The following GABRA3 variants were observed in gnomAD, a reference collection of about 807,000 sequenced individuals.
The protein encoded by GABRA3 is gamma-aminobutyric acid receptor subunit alpha-3.
Under a neutral mutation model 30.1 loss-of-function variants are expected in GABRA3, and 10 were observed. The observed-to-expected ratio is 0.33, with a 90% CI of 0.20 to 0.56. The LOEUF is 0.56. GABRA3 is among the 20% of genes least tolerant of loss of function. The pLI is 0.89. For missense variants in GABRA3, 233 were observed against 392.0 expected (o/e 0.59, Z 3.42); for synonymous variants, 151 against 146.8 (o/e 1.03, Z -0.21).
chrX:152,203,097 C>G (rs1405631201), intron 7 of GABRA3, among the ~76,000 whole-genome samples: 1 of 111,646 alleles, frequency 9.0e-6, no homozygotes, highest in Non-Finnish European at 1.9e-5. Context: ...TGGCAATGCC[C>G]AGAGAGGACA....
intron 4 of GABRA3, among the ~76,000 whole-genome samples, chrX:152,276,573 T>C (rs1429131960): frequency 8.9e-6 from 1 of 111,973 alleles, no homozygotes; most frequent in East Asian, 2.8e-4. Context: ...AGAATGTTTG[T>C]TGTATTACTG....
At chrX:152,270,633 T>C (rs1005985328) in intron 4 of GABRA3, among the ~76,000 whole-genome samples, 1 of 110,668 alleles carries the variant, frequency 9.0e-6, no homozygotes, top group Non-Finnish European at 1.9e-5. Context: ...GGCCAGTGGA[T>C]CACTTGAGGT....
At chrX:152,280,346 A>G (rs991837362) in intron 4 of GABRA3, among the ~76,000 whole-genome samples, 1 of 111,638 alleles carries the variant, frequency 9.0e-6, no homozygotes, top group Non-Finnish European at 1.9e-5. Context: ...ACAGCCTAAA[A>G]TAGACAAAGG....
At chrX:152,300,161 A>G in intron 3 of GABRA3, among the ~76,000 whole-genome samples, 1 of 112,773 alleles carries the variant, frequency 8.9e-6, no homozygotes, top group South Asian at 3.6e-4. Context: ...TAAATTTCAG[A>G]AAAATCCCTG....
At chrX:152,383,634 A>G (rs1045993109) in intron 1 of GABRA3, among the ~76,000 whole-genome samples, 2 of 108,365 alleles carry the variant, frequency 1.8e-5, no homozygotes, top group Non-Finnish European at 1.9e-5. Flanking sequence ...TAAAATCCCT[A>G]CGATCATCTC....
At chrX:152,271,521 A>G (rs1024819484) in intron 4 of GABRA3, among the ~76,000 whole-genome samples, 3 of 112,566 alleles carry the variant, frequency 2.7e-5, no homozygotes, top group African/African-American at 9.7e-5. Context: ...AAGAGGAAGC[A>G]GAGTATAGAA....
chrX:152,311,690 G>T (rs1939801105), intron 3 of GABRA3, among the ~76,000 whole-genome samples: 1 of 111,643 alleles, frequency 9.0e-6, no homozygotes, highest in Non-Finnish European at 1.9e-5. Context: ...TTCACTGGAA[G>T]TTCTTGCTAG....
chrX:152,359,964 A>G (rs1453182052), intron 2 of GABRA3, among the ~76,000 whole-genome samples: 2 of 107,436 alleles, frequency 1.9e-5, no homozygotes, highest in African/African-American at 6.8e-5. Context: ...ATGGTTTCCA[A>G]TTTCATCCAT....
In GABRA3 at chrX:152,405,816, T is replaced by C. The variant is rs5970296; in HGVS notation, c.-26-41220A>G. 7.4e-3 allele frequency among the ~76,000 whole-genome samples: 826 copies of C among 111,034 alleles called. 7 individuals are homozygous for C. Among genetic ancestry groups the C allele is most frequent in the African/African-American group, 0.024 (748 of 30,533 alleles). On this transcript the variant is annotated intron_variant, in intron 1 of 9. Coordinates refer to ENST00000370314, the MANE Select transcript of GABRA3 (RefSeq NM_000808.4). ...CTCTTGGGCCTTGAATAAACATTAGTGGTAGCTAGGCAATAGATTCCATGG... is the reference window on the plus strand; with the variant it reads ...CTCTTGGGCCTTGAATAAACATTAGCGGTAGCTAGGCAATAGATTCCATGG...
intron 3 of GABRA3, among the ~76,000 whole-genome samples, chrX:152,299,226 G>GAAAATA (rs1363507516): frequency 4.5e-5 from 5 of 112,211 alleles, no homozygotes; most frequent in Non-Finnish European, 7.5e-5. Flanking sequence ...TTCTGAGTCT[G>GAAAATA]AAAATAAAGA....
At chrX:152,173,819 T>C (rs1937036348) in intron 9 of GABRA3, among the ~76,000 whole-genome samples, 1 of 110,570 alleles carries the variant, frequency 9.0e-6, no homozygotes, top group African/African-American at 3.3e-5. Context: ...CTTTAAGTTT[T>C]AGGGTACATG....
At chrX:152,300,671 T>A (rs1207604305) in intron 3 of GABRA3, among the ~76,000 whole-genome samples, 1 of 112,324 alleles carries the variant, frequency 8.9e-6, no homozygotes, top group Non-Finnish European at 1.9e-5. Context: ...ATAGATGTTC[T>A]CAGCAGAGAA....
At position 152,279,710 on chromosome X, in the gene GABRA3, C is replaced by T. The variant is rs190237398; in HGVS notation, c.330+4958G>A. Among the ~76,000 whole-genome samples the T allele has an allele frequency of 5.9e-4, 66 of 111,597 alleles. No individual in the cohort carries two copies. In the East Asian group the frequency reaches 0.018, roughly 31 times the overall value. On this transcript the variant is annotated intron_variant, in intron 4 of 9. Coordinates refer to ENST00000370314, the MANE Select transcript of GABRA3 (RefSeq NM_000808.4). ...TATAAATTACCTTGGGCAGTATGGC[C>T]ATTTTCACGATATTGATTCTTCCTA...
intron 9 of GABRA3, among the ~76,000 whole-genome samples, chrX:152,183,394 A>G (rs959965834): frequency 5.4e-5 from 6 of 110,253 alleles, no homozygotes; most frequent in Admixed American, 4.8e-4. Flanking sequence ...CTGTGATAAC[A>G]GTTGTTAACA....
rs1350686875 is a variant in GABRA3 at position 152,224,830 on chromosome X, A to G, written c.567T>C (p.Ala189=). The change falls in exon 6 of 10, where the codon GCT becomes GCC. Residue 189 remains alanine (A), a synonymous_variant. Coordinates refer to ENST00000370314, the MANE Select transcript of GABRA3 (RefSeq NM_000808.4). The part of the protein sequence containing the change: ...LLYTMRLTIH[A]ECPMHLEDFP... ...AATCTTCCAAATGCATGGGACACTC[A>G]GCATGAATTGTTAACCTAAAAGAAA... The G allele has an allele frequency of 8.5e-7, 1 of 1,182,223 alleles. No individual in the cohort carries two copies. Among genetic ancestry groups the G allele is most frequent in the Non-Finnish European group, 1.1e-6 (1 of 874,404 alleles).
intron 2 of GABRA3, among the ~76,000 whole-genome samples, chrX:152,355,641 C>T (rs145334807): frequency 0.013 from 1,446 of 111,965 alleles, 8 homozygotes; most frequent in Middle Eastern, 0.028. Flanking sequence ...ATTGAAATGT[C>T]CCATCTGTAT....
chrX:152,199,153 T>C (rs1467847340), intron 7 of GABRA3, among the ~76,000 whole-genome samples: 2 of 110,338 alleles, frequency 1.8e-5, no homozygotes, highest in Non-Finnish European at 3.8e-5. Flanking sequence ...GATTACGAGG[T>C]CAGGAGATCG....
intron 4 of GABRA3, among the ~76,000 whole-genome samples, chrX:152,277,516 C>T (rs773757227): frequency 2.0e-4 from 22 of 111,521 alleles, no homozygotes; most frequent in African/African-American, 7.2e-4. Flanking sequence ...ATTTTCTCTA[C>T]ACAGTCAAAA....
chrX:152,365,425 T>A (rs375848805), intron 1 of GABRA3, among the ~76,000 whole-genome samples: 103 of 110,908 alleles, frequency 9.3e-4, no homozygotes, highest in African/African-American at 3.3e-3. Context: ...TGATATGGAG[T>A]TCCCTATAAG....
Sources: allele counts gnomAD v4.1 joint callset (sites outside exome capture counted in the v4.1 genomes callset), GRCh38; gene constraint gnomAD v4.1.1; transcripts MANE v1.5; gene names NCBI Gene and HGNC (gene_info 2026-07-23, HGNC 2026-07-21).